The following SPECC1 variants were observed in gnomAD, a reference collection of about 807,000 sequenced individuals.
The protein encoded by SPECC1 is cytospin-B.
Under a neutral mutation model 104.1 loss-of-function variants are expected in SPECC1, and 62 were observed. That is an observed-to-expected ratio of 0.60 (90% CI 0.49 to 0.74). SPECC1 has a LOEUF of 0.74. SPECC1 is among the 30% of genes least tolerant of loss of function. SPECC1 has a pLI of 0.00. For missense variants in SPECC1, 1,306 were observed against 1,310.5 expected, an observed-to-expected ratio of 1.00 and a Z score of 0.05; for synonymous variants, 513 against 501.6, an observed-to-expected ratio of 1.02 and a Z score of -0.30.
chr17:20,165,389 G>C (rs751202410), intron 3 of SPECC1, among the ~76,000 whole-genome samples: 55 of 152,138 alleles, frequency 3.6e-4, no homozygotes, highest in Non-Finnish European at 6.8e-4. Flanking sequence ...GCATGATCTT[G>C]TTCCTTTTTA....
chr17:20,269,066 C>T (rs990392190), intron 12 of SPECC1, among the ~76,000 whole-genome samples: 2 of 152,196 alleles, frequency 1.3e-5, no homozygotes, highest in Non-Finnish European at 2.9e-5. Flanking sequence ...TGGGCACATC[C>T]CCAATTCCTT....
intron 2 of SPECC1, among the ~76,000 whole-genome samples, chr17:20,110,207 C>T (rs1324090783): frequency 2.0e-5 from 3 of 152,166 alleles, no homozygotes; most frequent in Non-Finnish European, 2.9e-5. Context: ...AGACACTGCT[C>T]TTTGAAACAG....
At chr17:20,209,327 T>A (rs1287271821) in intron 4 of SPECC1, among the ~76,000 whole-genome samples, 2 of 152,132 alleles carry the variant, frequency 1.3e-5, no homozygotes. Flanking sequence ...AAGGATACAA[T>A]AAGCTATTTA....
At chr17:20,185,713 G>T (rs900960328) in intron 3 of SPECC1, among the ~76,000 whole-genome samples, 5 of 152,236 alleles carry the variant, frequency 3.3e-5, no homozygotes, top group Admixed American at 3.3e-4. Flanking sequence ...ATTCATGTTG[G>T]AAAGACCTTT....
At chr17:20,083,371 A>G (rs748238393) in intron 1 of SPECC1, among the ~76,000 whole-genome samples, 1 of 152,240 alleles carries the variant, frequency 6.6e-6, no homozygotes, top group Non-Finnish European at 1.5e-5. Flanking sequence ...AATTTAGAGC[A>G]ACACCAAATC....
At chr17:20,054,503 AG>A (rs2045886954) in intron 1 of SPECC1, among the ~76,000 whole-genome samples, 1 of 152,080 alleles carries the variant, frequency 6.6e-6, no homozygotes, top group Admixed American at 6.6e-5. Context: ...TGCAGTCCCC[AG>A]GGGATACCTG....
chr17:20,194,118 A>G (rs1181234319), intron 3 of SPECC1, among the ~76,000 whole-genome samples: 1 of 152,238 alleles, frequency 6.6e-6, no homozygotes, highest in Non-Finnish European at 1.5e-5. Flanking sequence ...TGCAGCAAGA[A>G]TAATTATTTT....
At chr17:20,018,655 T>C (rs1461101789) in intron 1 of SPECC1, among the ~76,000 whole-genome samples, 1 of 152,250 alleles carries the variant, frequency 6.6e-6, no homozygotes, top group Non-Finnish European at 1.5e-5. Context: ...TACTCACGGC[T>C]GTAATTTATT....
intron 3 of SPECC1, among the ~76,000 whole-genome samples, chr17:20,200,456 C>A (rs1417099126): frequency 2.0e-5 from 3 of 152,170 alleles, no homozygotes; most frequent in Non-Finnish European, 4.4e-5. Flanking sequence ...AATCAGCCAG[C>A]CTCAGGAGGA....
chr17:20,135,687 A>G (rs2049878902), intron 3 of SPECC1, among the ~76,000 whole-genome samples: 1 of 152,140 alleles, frequency 6.6e-6, no homozygotes, highest in Admixed American at 6.5e-5. Flanking sequence ...CCTGGGCTCA[A>G]GTGATCCTCC....
At chr17:20,037,440 T>C (rs1597597808) in intron 1 of SPECC1, among the ~76,000 whole-genome samples, 1 of 151,948 alleles carries the variant, frequency 6.6e-6, no homozygotes, top group African/African-American at 2.4e-5. Context: ...TGTGAGCCAC[T>C]GCACCTGGCC....
At chr17:20,125,149 C>T (rs1432257147) in intron 3 of SPECC1, among the ~76,000 whole-genome samples, 1 of 152,116 alleles carries the variant, frequency 6.6e-6, no homozygotes, top group Non-Finnish European at 1.5e-5. Context: ...CACTGCACTC[C>T]AGCCTGGGCG....
At chr17:20,194,698 G>A (rs1313336011) in intron 3 of SPECC1, among the ~76,000 whole-genome samples, 1 of 151,466 alleles carries the variant, frequency 6.6e-6, no homozygotes, top group Non-Finnish European at 1.5e-5. Context: ...TAGAGATGGG[G>A]TTTCACCATG....
intron 3 of SPECC1, among the ~76,000 whole-genome samples, chr17:20,165,947 T>C (rs2033612380): frequency 6.6e-6 from 1 of 152,242 alleles, no homozygotes; most frequent in Non-Finnish European, 1.5e-5. Flanking sequence ...ATTAGACTTT[T>C]GTCAGATGGA....
intron 12 of SPECC1, among the ~76,000 whole-genome samples, chr17:20,288,276 T>C (rs112552056): frequency 6.6e-6 from 1 of 152,172 alleles, no homozygotes; most frequent in African/African-American, 2.4e-5. Flanking sequence ...ATCTTTATAA[T>C]AGAAGGATTT....
rs1156756474 is a variant in SPECC1 at position 20,257,521 on chromosome 17, A to G, written c.2751A>G (p.Ser917=). ...TCCGCAAGAGTCCCTCACTAGAGTC[A>G]CTGAGCAGACCCCCGTCTCTGGGCT... ...PHLRKSPSLE[S]LSRPPSLGFG... is the part of the protein sequence containing the mutation. The change falls in exon 11 of 15, where the codon TCA becomes TCG. Residue 917 remains serine, a synonymous_variant. Transcript: ENST00000395527. The G allele has an allele frequency of 6.2e-7, 1 of 1,613,412 alleles. No homozygotes were observed. The highest frequency in any genetic ancestry group is 2.2e-5 in the East Asian group (1 of 44,860).
intron 3 of SPECC1, among the ~76,000 whole-genome samples, chr17:20,117,554 A>T (rs1047473791): frequency 6.6e-6 from 1 of 152,072 alleles, no homozygotes; most frequent in Admixed American, 6.5e-5. Flanking sequence ...TGGGAGGCCA[A>T]AGTGGGAGGA....
chr17:20,232,067 A>G lies in SPECC1; in HGVS notation c.2146-133A>G, dbSNP rs147678962. On this transcript the variant is annotated intron_variant, in intron 6 of 14. Coordinates refer to ENST00000395527, the MANE Select transcript of SPECC1 (RefSeq NM_001243439.2). ...CAGTGCCTTTTCCTAGCAGTGAGCC[A>G]CCGTGTAAGCAGGGCCTCACCAAGC... 1.7e-3 allele frequency: 1,850 copies of G among 1,080,656 alleles called. 20 individuals are homozygous for G. In the African/African-American group the frequency reaches 0.024, roughly 14 times the overall value. The allele number at this position is 1,080,656 out of a possible 1,614,324, so 66.9% of individuals were successfully genotyped here. A position where few individuals can be genotyped will look rare whatever the true frequency, so the allele number is the denominator to read the frequency against.
At chr17:20,187,637 C>G (rs568925245) in intron 3 of SPECC1, among the ~76,000 whole-genome samples, 1 of 152,278 alleles carries the variant, frequency 6.6e-6, no homozygotes, top group South Asian at 2.1e-4. Context: ...CCTAGACTTT[C>G]AGTTATGGGA....
Sources: gnomAD v4.1 joint callset for allele counts (sites outside exome capture counted in the v4.1 genomes callset) on GRCh38, gnomAD v4.1.1 for gene constraint, MANE v1.5 for transcripts, NCBI Gene and HGNC (gene_info 2026-07-23, HGNC 2026-07-21) for gene names.